NEDD9: variants seen among roughly 807,000 people sequenced by gnomAD.
The protein encoded by NEDD9 is enhancer of filamentation 1.
A neutral mutation model predicts 76.6 loss-of-function variants in NEDD9; 26 were observed. That is an observed-to-expected ratio of 0.34 (90% CI 0.25 to 0.47). The LOEUF (loss-of-function observed/expected upper bound fraction) is 0.47, where lower values mean the gene tolerates loss of function less well. NEDD9 is among the 20% of genes least tolerant of loss of function. The pLI is 1.00. For synonymous variants in NEDD9, 392 were observed against 414.2 expected (o/e 0.95, Z 0.65); for missense variants, 937 against 1,058.5 (o/e 0.89, Z 1.59).
rs1561779217 is a variant in NEDD9 at position 11,190,344 on chromosome 6, A to T, written c.1525T>A (p.Cys509Ser). 6.2e-7 allele frequency: 1 copy of T among 1,613,956 alleles called. No homozygotes were observed. Among genetic ancestry groups the T allele is most frequent in the Admixed American group, 1.7e-5 (1 of 59,992 alleles). ...LSQTSHDLNE[C>S]SWSLNILAIN... ...GCCAAGATATTCAGGGACCAGCTGC[A>T]CTCATTTAAGTCATGGCTGGTTTGA... Residue 509 changes from cysteine to serine, a missense_variant, in exon 5 of 7, where the codon TGC becomes AGC. Coordinates refer to ENST00000379446, the MANE Select transcript of NEDD9 (RefSeq NM_006403.4). The surrounding 1 kb of genome is among the most constrained non-coding windows in gnomAD (Gnocchi z 5.8).
At chr6:11,218,613 A>T (rs1759046218) in intron 1 of NEDD9, among the ~76,000 whole-genome samples, 1 of 152,056 alleles carries the variant, frequency 6.6e-6, no homozygotes, top group South Asian at 2.1e-4. Context: ...CAAAATATAG[A>T]CTCAGTAAAT....
At chr6:11,324,362 G>C (rs1761877539) in intron 2 of NEDD9, among the ~76,000 whole-genome samples, 1 of 152,146 alleles carries the variant, frequency 6.6e-6, no homozygotes, top group Non-Finnish European at 1.5e-5. Context: ...ACACTGCCCT[G>C]TGTGCAGGTC....
chr6:11,244,526 T>C (rs1399488245), intron 3 of NEDD9, among the ~76,000 whole-genome samples: 1 of 152,148 alleles, frequency 6.6e-6, no homozygotes, highest in Non-Finnish European at 1.5e-5. Flanking sequence ...AAGACATAAA[T>C]CGCCTCCTTT....
intron 3 of NEDD9, among the ~76,000 whole-genome samples, chr6:11,285,055 C>T (rs758100039): frequency 6.6e-6 from 1 of 152,062 alleles, no homozygotes; most frequent in African/African-American, 2.4e-5. Flanking sequence ...CCTTCACAAC[C>T]GGTGTTACGT....
At chr6:11,232,444 C>T (rs940385155) in intron 1 of NEDD9, 60 bp downstream of exon 1, 1 of 1,605,654 alleles carries the variant, frequency 6.2e-7, no homozygotes, top group Non-Finnish European at 8.5e-7. Flanking sequence ...CATACACAAG[C>T]ACACACCCGC....
chr6:11,228,293 G>A (rs920188528), intron 1 of NEDD9, among the ~76,000 whole-genome samples: 10 of 152,208 alleles, frequency 6.6e-5, no homozygotes, highest in South Asian at 6.2e-4. Context: ...CACTTTGGGA[G>A]GCTGAGGCAG....
chr6:11,204,340 C>A (rs552354278), intron 2 of NEDD9, among the ~76,000 whole-genome samples: 156 of 152,344 alleles, frequency 1.0e-3, no homozygotes, highest in African/African-American at 3.6e-3. Flanking sequence ...AGAGCCACAA[C>A]TTGAAAGCTG....
chr6:11,382,304 A>G (rs555177856), upstream of NEDD9: 2 of 152,168 alleles, frequency 1.3e-5, no homozygotes, highest in Non-Finnish European at 2.9e-5. Flanking sequence ...GCATTTCCCT[A>G]CTGAGCAACC....
chr6:11,375,454 T>A (rs1022118301), intron 1 of NEDD9, among the ~76,000 whole-genome samples: 13 of 152,312 alleles, frequency 8.5e-5, no homozygotes, highest in African/African-American at 3.1e-4. Flanking sequence ...AGACAATAGT[T>A]CCTTTTGTGG....
At chr6:11,326,531 A>G (rs1193373674) in intron 2 of NEDD9, among the ~76,000 whole-genome samples, 1 of 152,274 alleles carries the variant, frequency 6.6e-6, no homozygotes, top group Non-Finnish European at 1.5e-5. Flanking sequence ...GTATTGCCAA[A>G]GTCTATGAAC....
chr6:11,214,701 C>A (rs1581961510), intron 1 of NEDD9, among the ~76,000 whole-genome samples: 2 of 152,304 alleles, frequency 1.3e-5, no homozygotes, highest in Admixed American at 1.3e-4. Flanking sequence ...GTAAAGTTTC[C>A]CAGCACGCGG....
At position 11,202,589 on chromosome 6, in the gene NEDD9, G is replaced by T. The variant is rs571282252; in HGVS notation, c.460-8897C>A. Among the ~76,000 whole-genome samples the T allele has an allele frequency of 1.4e-3, 211 of 152,336 alleles. 2 individuals are homozygous for T. In the South Asian group the frequency reaches 0.028, roughly 20 times the overall value. ...TCTATGACCAGAAGAAAAGCCACATGTTGCCTACCCTGGATTTATTAATTC... is the reference window on the plus strand; with the variant it reads ...TCTATGACCAGAAGAAAAGCCACATTTTGCCTACCCTGGATTTATTAATTC... On this transcript the variant is annotated intron_variant, in intron 2 of 6. Coordinates refer to ENST00000379446, the MANE Select transcript of NEDD9 (RefSeq NM_006403.4).
chr6:11,356,011 A>G (rs6909131), intron 1 of NEDD9, among the ~76,000 whole-genome samples: 52,148 of 151,706 alleles, frequency 0.34, 10,278 homozygotes, highest in Middle Eastern at 0.46. Context: ...GTGAGCCACC[A>G]TGCCCGGCCG....
rs370590260 is a variant in NEDD9 at position 11,260,762 on chromosome 6, T to C, written c.12+45230A>G. ...GAAGATGATATAAAAAGTGTGTTAG[T>C]CACAGAAATAGTCACACACTATTTC... On this transcript the variant is annotated intron_variant, in intron 3 of 3. Transcript: ENST00000397378. Among the ~76,000 whole-genome samples, 15 of 152,296 alleles carry C rather than the reference T, an allele frequency of 9.8e-5. No individual in the cohort carries two copies. In the East Asian group the frequency reaches 2.7e-3, roughly 27 times the overall value.
In NEDD9 at chr6:11,305,910, A is replaced by G. The variant is rs147606132; in HGVS notation, c.12+82T>C. On this transcript the variant is annotated intron_variant, in intron 3 of 3. Transcript: ENST00000397378. ...CGTATGACAAAAAAACATGATTTGT[A>G]TTATTATTGCAGAGAATTTAGGCTG... The G allele has an allele frequency of 5.9e-4, 872 of 1,472,728 alleles. 7 individuals are homozygous for G. The East Asian group carries it at 0.016, about 28-fold the overall frequency. The allele number at this position is 1,472,728 out of a possible 1,614,324, so 91.2% of individuals were successfully genotyped here.
At chr6:11,374,924 T>G (rs1359298473) in intron 1 of NEDD9, among the ~76,000 whole-genome samples, 1 of 152,210 alleles carries the variant, frequency 6.6e-6, no homozygotes, top group Admixed American at 6.5e-5. Context: ...GTTTTTATTT[T>G]TTAATCTTGG....
chr6:11,185,026 T>G lies in NEDD9; in HGVS notation c.*136A>C. On this transcript the variant is annotated 3_prime_UTR_variant, in exon 7 of 7. Coordinates refer to ENST00000379446, the MANE Select transcript of NEDD9 (RefSeq NM_006403.4). ...GCTCCCTGAATTTCTGAAAGTTGACTGACCCATAAAATGTTAAAATATTTC... is the reference window on the plus strand; with the variant it reads ...GCTCCCTGAATTTCTGAAAGTTGACGGACCCATAAAATGTTAAAATATTTC... The G allele has an allele frequency of 1.7e-6, 2 of 1,156,380 alleles. No individual in the cohort carries two copies. The highest frequency in any genetic ancestry group is 2.3e-6 in the Non-Finnish European group (2 of 853,558). 71.6% of individuals were successfully genotyped at this position (1,156,380 alleles called of 1,614,324 possible). A position where few individuals can be genotyped will look rare whatever the true frequency, so the allele number is the denominator to read the frequency against.
At chr6:11,297,352 A>G (rs558462432) in intron 3 of NEDD9, among the ~76,000 whole-genome samples, 2 of 152,262 alleles carry the variant, frequency 1.3e-5, no homozygotes, top group Non-Finnish European at 2.9e-5. Context: ...TCACACTGAT[A>G]TTAGTGCAGT....
At chr6:11,192,279 C>T (rs1207182981) in intron 4 of NEDD9, 66 bp downstream of exon 4, 3 of 364,622 alleles carry the variant, frequency 8.2e-6, no homozygotes, top group South Asian at 2.6e-5. Flanking sequence ...CCTCCCAACC[C>T]TGCACCCCCC....
Sources: allele counts gnomAD v4.1 joint callset (sites outside exome capture counted in the v4.1 genomes callset), GRCh38; gene constraint gnomAD v4.1.1; non-coding constraint Gnocchi (gnomAD v3.1); transcripts MANE v1.5; gene names NCBI Gene and HGNC (gene_info 2026-07-23, HGNC 2026-07-21).